Variants in ITK observed in about 807,000 individuals in gnomAD.
The protein encoded by ITK is IL2 inducible T cell kinase.
In ITK, 45 loss-of-function variants were observed where a neutral mutation model predicts 87.6. The observed-to-expected ratio is 0.51, with a 90% CI of 0.40 to 0.66. ITK has a LOEUF of 0.66. ITK is among the 30% of genes least tolerant of loss of function. The pLI is 0.00. For missense variants in ITK, 605 were observed against 766.3 expected (o/e 0.79, Z 2.48); for synonymous variants, 303 against 273.6 (o/e 1.11, Z -1.06).
intron 6 of ITK, among the ~76,000 whole-genome samples, chr5:157,227,262 G>A (rs1010419644): frequency 6.6e-6 from 1 of 152,046 alleles, no homozygotes; most frequent in African/African-American, 2.4e-5. Context: ...TTCACCCTGT[G>A]GTATTAAATG....
chr5:157,211,251 C>A, intron 2 of ITK, 36 bp from the exon 3 acceptor site: 1 of 1,568,062 alleles, frequency 6.4e-7, no homozygotes, highest in Non-Finnish European at 8.8e-7. Context: ...TCTCCATGCA[C>A]GCTGCTCACC....
chr5:157,223,342 A>G (rs183060283), intron 6 of ITK, among the ~76,000 whole-genome samples: 13 of 152,274 alleles, frequency 8.5e-5, no homozygotes, highest in Admixed American at 8.5e-4. Context: ...GCAAAGTGCT[A>G]TTGTTCCTGA....
At chr5:157,249,185 T>C (rs1425076079) in intron 16 of ITK, among the ~76,000 whole-genome samples, 178 bp downstream of exon 16, 1 of 152,364 alleles carries the variant, frequency 6.6e-6, no homozygotes, top group East Asian at 1.9e-4. Context: ...CTAAAGGAGC[T>C]GAAGGCGACC....
intron 1 of ITK, among the ~76,000 whole-genome samples, chr5:157,187,011 C>T (rs1353809586): frequency 6.6e-6 from 1 of 152,266 alleles, no homozygotes; most frequent in Admixed American, 6.5e-5. Flanking sequence ...ATGGTCTCGT[C>T]TGTCTCAGCT....
chr5:157,209,885 C>A (rs1037203848), intron 2 of ITK, among the ~76,000 whole-genome samples: 8 of 151,888 alleles, frequency 5.3e-5, no homozygotes, highest in Non-Finnish European at 1.2e-4. Flanking sequence ...AGCTACTGTA[C>A]TGAAACAGCA....
chr5:157,212,620 A>T (rs1326914640), intron 3 of ITK, among the ~76,000 whole-genome samples: 1 of 152,220 alleles, frequency 6.6e-6, no homozygotes, highest in Non-Finnish European at 1.5e-5. Flanking sequence ...CAGGAGTTCA[A>T]GGCTACAGTG....
chr5:157,239,053 A>G (rs190872186), intron 9 of ITK, among the ~76,000 whole-genome samples: 3 of 152,306 alleles, frequency 2.0e-5, no homozygotes. Context: ...TGTACATCAC[A>G]GAGGGGCCGT....
At chr5:157,193,760 G>T (rs928951882) in intron 1 of ITK, among the ~76,000 whole-genome samples, 2 of 152,164 alleles carry the variant, frequency 1.3e-5, no homozygotes, top group African/African-American at 4.8e-5. Context: ...GCAAGGATTT[G>T]TTGGTGAGTT....
intron 4 of ITK, among the ~76,000 whole-genome samples, chr5:157,216,334 C>T (rs1025841827): frequency 6.6e-6 from 1 of 152,062 alleles, no homozygotes; most frequent in Non-Finnish European, 1.5e-5. Context: ...CATTTTCTCA[C>T]CTGCAATATG....
At chr5:157,238,950 A>T (rs1754831238) in intron 9 of ITK, among the ~76,000 whole-genome samples, 1 of 152,070 alleles carries the variant, frequency 6.6e-6, no homozygotes, top group Non-Finnish European at 1.5e-5. Context: ...TCTTCGGAAA[A>T]TTTTTTTGGA....
chr5:157,205,060 C>T (rs988313291), intron 1 of ITK, among the ~76,000 whole-genome samples: 1 of 152,172 alleles, frequency 6.6e-6, no homozygotes, highest in African/African-American at 2.4e-5. Flanking sequence ...GCTCATATAT[C>T]ACAAATCTCT....
intron 5 of ITK, 118 bp downstream of exon 5, chr5:157,218,025 C>G (rs1425899292): frequency 1.2e-5 from 11 of 928,134 alleles, no homozygotes; most frequent in Non-Finnish European, 1.8e-5. Context: ...ATGCAGCAGG[C>G]TGTCATGATT....
intron 10 of ITK, chr5:157,240,691 GGGAGCAGGAGTATCACATGGCA>G (rs1561663456): frequency 5.0e-6 from 1 of 198,136 alleles, no homozygotes; most frequent in African/African-American, 2.4e-5. Flanking sequence ...AAGGCAAAAG[GGGAGCAGGAGTATCACATGGCA>G]GGAGCAGGAG....
At chr5:157,209,913 C>T (rs1649657876) in intron 2 of ITK, among the ~76,000 whole-genome samples, 1 of 151,090 alleles carries the variant, frequency 6.6e-6, no homozygotes, top group Non-Finnish European at 1.5e-5. Context: ...TAGAATGTTC[C>T]TATCACTGCA....
At chr5:157,198,090 A>G (rs1042812826) in intron 1 of ITK, among the ~76,000 whole-genome samples, 7 of 151,682 alleles carry the variant, frequency 4.6e-5, no homozygotes, top group Admixed American at 2.6e-4. Flanking sequence ...TTCAAGGCCA[A>G]TCTGGACAAC....
At chr5:157,213,342 T>C (rs937755560) in intron 3 of ITK, among the ~76,000 whole-genome samples, 3 of 152,174 alleles carry the variant, frequency 2.0e-5, no homozygotes, top group African/African-American at 7.2e-5. Flanking sequence ...GCAGGAATCA[T>C]GGAGATTACA....
At chr5:157,222,792 AC>A in intron 5 of ITK, 70 bp from the exon 6 acceptor site, 2 of 1,479,806 alleles carry the variant, frequency 1.4e-6, no homozygotes, top group Non-Finnish European at 1.9e-6. Flanking sequence ...CTCCCCAGAC[AC>A]CCCGATGAAA....
chr5:157,190,368 G>T (rs1413352467), intron 1 of ITK, among the ~76,000 whole-genome samples: 2 of 152,164 alleles, frequency 1.3e-5, no homozygotes, highest in Non-Finnish European at 2.9e-5. Flanking sequence ...ACGTTTCTGT[G>T]TTGGTACATT....
At chr5:157,199,066 T>C (rs576988466) in intron 1 of ITK, among the ~76,000 whole-genome samples, 5 of 152,294 alleles carry the variant, frequency 3.3e-5, no homozygotes, top group African/African-American at 1.2e-4. Context: ...CTACTAGCAT[T>C]TGCTAGTAGG....
Sources: gnomAD v4.1 joint callset for allele counts (sites outside exome capture counted in the v4.1 genomes callset) on GRCh38, gnomAD v4.1.1 for gene constraint, MANE v1.5 for transcripts, NCBI Gene and HGNC (gene_info 2026-07-23, HGNC 2026-07-21) for gene names.